SDK1: variants seen among roughly 807,000 people sequenced by gnomAD.
SDK1 encodes the protein sidekick cell adhesion molecule 1, also known as protein sidekick-1.
In SDK1, 157 loss-of-function variants were observed where a neutral mutation model predicts 245.5. That is an observed-to-expected ratio of 0.64 (90% confidence interval 0.56 to 0.73). SDK1 has a LOEUF of 0.73. Ranked by LOEUF, SDK1 falls within the 30% of genes least tolerant of loss-of-function variation. SDK1 has a pLI of 0.00. For missense variants in SDK1, 3,583 were observed against 3,002.3 expected (o/e 1.19, Z -4.52); for synonymous variants, 1,647 against 1,278.5 (o/e 1.29, Z -6.15).
chr7:4,124,527 C>A (rs1346519326), intron 25 of SDK1, among the ~76,000 whole-genome samples: 2 of 152,178 alleles, frequency 1.3e-5, no homozygotes, highest in Admixed American at 6.5e-5. Context: ...CAGGGGCCCA[C>A]CCTATGCAGT....
chr7:3,466,997 C>G (rs1419349011), intron 1 of SDK1, among the ~76,000 whole-genome samples: 2 of 141,850 alleles, frequency 1.4e-5, no homozygotes, highest in East Asian at 3.9e-4. Flanking sequence ...CACACACACA[C>G]ACACACACAC....
At chr7:3,678,544 T>C (rs1392151517) in intron 4 of SDK1, among the ~76,000 whole-genome samples, 1 of 152,212 alleles carries the variant, frequency 6.6e-6, no homozygotes, top group Non-Finnish European at 1.5e-5. Flanking sequence ...ACACCCATTG[T>C]GTGGTTTCAC....
In SDK1 at chr7:4,210,048, G is replaced by A. The variant is rs1784431770; in HGVS notation, c.5425G>A (p.Ala1809Thr). ...AGCCCCTGGGGCCCCCAGCTTTCTG[G>A]CGTTCTCAGAAATAACCTCCACCAC... Reference protein sequence around the residue: ...QAAPGAPSFLAFSEITSTTLN... With the variant: ...QAAPGAPSFLTFSEITSTTLN... The change falls in exon 38 of 45, where the codon GCG (alanine) becomes ACG (threonine). Residue 1809 changes from alanine to threonine, a missense_variant. By Grantham distance (58) the Ala-to-Thr change is moderately conservative. Coordinates refer to ENST00000404826, the MANE Select transcript of SDK1 (RefSeq NM_152744.4). 6.3e-7 allele frequency: 1 copy of A among 1,593,686 alleles called. No individual in the cohort carries two copies. Among genetic ancestry groups the A allele is most frequent in the African/African-American group, 1.4e-5 (1 of 73,940 alleles).
intron 4 of SDK1, among the ~76,000 whole-genome samples, chr7:3,819,968 C>G (rs1779601186): frequency 6.6e-6 from 1 of 152,120 alleles, no homozygotes; most frequent in South Asian, 2.1e-4. Context: ...TCTGAAAGTG[C>G]TGTAACTATT....
intron 1 of SDK1, among the ~76,000 whole-genome samples, chr7:3,570,499 A>G (rs965802339): frequency 6.6e-5 from 10 of 152,142 alleles, no homozygotes; most frequent in African/African-American, 2.4e-4. Flanking sequence ...CCCTGCCTTA[A>G]CTAAGGGATC....
At chr7:3,974,762 G>A (rs12534781) in intron 13 of SDK1, 154,366 of 507,904 alleles carry the variant, frequency 0.3, 24,139 homozygotes, top group South Asian at 0.36. Context: ...TGGTGTAGAT[G>A]GTGTGATCAT....
intron 8 of SDK1, among the ~76,000 whole-genome samples, chr7:3,961,718 G>A (rs77225292): frequency 1.2e-3 from 188 of 152,284 alleles, no homozygotes; most frequent in African/African-American, 4.1e-3. Context: ...TTGATAGGGG[G>A]TGTTAAAAGA....
chr7:4,262,271 C>G (rs1436920402), intron 44 of SDK1, among the ~76,000 whole-genome samples: 1 of 151,670 alleles, frequency 6.6e-6, no homozygotes, highest in Non-Finnish European at 1.5e-5. Context: ...CTCCTGACCT[C>G]AGGTGATCTG....
At position 4,077,021 on chromosome 7, in the gene SDK1, T is replaced by C; in HGVS notation, c.3034T>C (p.Tyr1012His). The C allele has an allele frequency of 6.2e-7, 1 of 1,614,102 alleles. No homozygotes were observed. Among genetic ancestry groups the C allele is most frequent in the Non-Finnish European group, 8.5e-7 (1 of 1,180,022 alleles). Residue 1012 changes from tyrosine to histidine, a missense_variant, in exon 21 of 45, where the codon TAC becomes CAC. Transcript: ENST00000404826. ...AGGCTATCAGATCTCTTGGGAAGTG[T>C]ACGGCAGGAACGACTCTCGTCTCAC... ...ITGYQISWEV[Y>H]GRNDSRLTHT...
chr7:3,909,394 C>G (rs1382874543), intron 5 of SDK1, among the ~76,000 whole-genome samples: 1 of 152,162 alleles, frequency 6.6e-6, no homozygotes, highest in Non-Finnish European at 1.5e-5. Flanking sequence ...AGCTGTGGAG[C>G]AGGGGTGGGT....
chr7:3,588,168 A>T (rs1204243023), intron 1 of SDK1, among the ~76,000 whole-genome samples: 1 of 152,296 alleles, frequency 6.6e-6, no homozygotes, highest in Non-Finnish European at 1.5e-5. Context: ...GACTTATTAT[A>T]ATCTGATTTG....
At chr7:4,177,925 C>T (rs1426284809) in intron 34 of SDK1, among the ~76,000 whole-genome samples, 1 of 152,168 alleles carries the variant, frequency 6.6e-6, no homozygotes, top group Non-Finnish European at 1.5e-5. Flanking sequence ...AGAGTGCAAA[C>T]CCTATTGGGA....
intron 22 of SDK1, among the ~76,000 whole-genome samples, chr7:4,083,614 C>T (rs1322393633): frequency 1.1e-5 from 1 of 95,026 alleles, no homozygotes; most frequent in East Asian, 3.9e-4. Context: ...CCTCCCTTCT[C>T]TTGTCCCTCC....
intron 1 of SDK1, among the ~76,000 whole-genome samples, chr7:3,557,390 T>C (rs915491143): frequency 6.6e-5 from 10 of 152,080 alleles, no homozygotes; most frequent in African/African-American, 1.2e-4. Flanking sequence ...CAGGATGAAA[T>C]AGATAATCTG....
At chr7:3,398,387 G>C (rs1778783255) in intron 1 of SDK1, among the ~76,000 whole-genome samples, 1 of 151,966 alleles carries the variant, frequency 6.6e-6, no homozygotes, top group East Asian at 1.9e-4. Context: ...CTGAGTCCCT[G>C]GGCTGTGACC....
intron 1 of SDK1, among the ~76,000 whole-genome samples, chr7:3,362,312 A>G (rs1416050538): frequency 6.6e-6 from 1 of 152,172 alleles, no homozygotes; most frequent in Admixed American, 6.5e-5. Flanking sequence ...CTTTTTGAAG[A>G]CTATCTTTTT....
Position 3,314,665 on chromosome 7 carries a change from A to C in SDK1, c.298+12781A>C, listed in dbSNP as rs528746501. Among the ~76,000 whole-genome samples the C allele has an allele frequency of 2.0e-5, 3 of 152,348 alleles. No individual in the cohort carries two copies. The South Asian group carries it at 6.2e-4, about 32-fold the overall frequency. Reference sequence around the variant, plus strand: ...AGTTGGAAAGACAGAGGCCATCTGCATCTCTAACTTTGCTGTCTTCTGTGG... The same window carrying C: ...AGTTGGAAAGACAGAGGCCATCTGCCTCTCTAACTTTGCTGTCTTCTGTGG... On this transcript the variant is annotated intron_variant, in intron 1 of 44. Coordinates refer to ENST00000404826, the MANE Select transcript of SDK1 (RefSeq NM_152744.4).
chr7:4,130,854 G>T (rs768632671), intron 27 of SDK1, among the ~76,000 whole-genome samples: 30 of 152,278 alleles, frequency 2.0e-4, no homozygotes, highest in Admixed American at 1.2e-3. Context: ...CTGGGGATCG[G>T]AGTGGCTGAA....
Position 3,638,943 on chromosome 7 carries a change from G to T in SDK1, c.459-61G>T, listed in dbSNP as rs975429902. 5 of 969,246 alleles carry T rather than the reference G, an allele frequency of 5.2e-6. No individual in the cohort carries two copies. In the African/African-American group the frequency reaches 6.4e-5, roughly 12 times the overall value. 60.0% of individuals were successfully genotyped at this position (969,246 alleles called of 1,614,324 possible). A position where few individuals can be genotyped will look rare whatever the true frequency, so the allele number is the denominator to read the frequency against. ...CTGTTTGATAAAATAGCATCTGATG[G>T]TTAGATATAACCATGAAACACTGGA... On this transcript the variant is annotated intron_variant, in intron 2 of 44. Coordinates refer to ENST00000404826, the MANE Select transcript of SDK1 (RefSeq NM_152744.4).
Sources: gnomAD v4.1 joint callset for allele counts (sites outside exome capture counted in the v4.1 genomes callset) on GRCh38, gnomAD v4.1.1 for gene constraint, MANE v1.5 for transcripts, NCBI Gene and HGNC (gene_info 2026-07-23, HGNC 2026-07-21) for gene names.